BAZ2B: variants seen among roughly 807,000 people sequenced by gnomAD.
BAZ2B encodes bromodomain adjacent to zinc finger domain 2B.
Under a neutral mutation model 246.0 loss-of-function variants are expected in BAZ2B, and 91 were observed. The ratio of observed to expected loss-of-function variants is 0.37; its 90% confidence interval spans 0.31 to 0.44. The LOEUF (loss-of-function observed/expected upper bound fraction) is 0.44. Among genes scored for constraint, BAZ2B ranks in the 20% least tolerant of loss-of-function variants. The pLI is 1.00. For synonymous variants in BAZ2B, 855 were observed against 860.0 expected, an observed-to-expected ratio of 0.99 and a Z score of 0.10; for missense variants, 2,332 against 2,533.7, an observed-to-expected ratio of 0.92 and a Z score of 1.71.
At chr2:159,573,389 G>A (rs1684484037) in intron 1 of BAZ2B, among the ~76,000 whole-genome samples, 1 of 152,104 alleles carries the variant, frequency 6.6e-6, no homozygotes, top group Admixed American at 6.6e-5. Context: ...TATTTGACAA[G>A]GGTGCCAAAA....
At chr2:159,578,792 A>G (rs1553729749) in intron 1 of BAZ2B, among the ~76,000 whole-genome samples, 1 of 152,324 alleles carries the variant, frequency 6.6e-6, no homozygotes, top group South Asian at 2.1e-4. Flanking sequence ...GCTTAACTAC[A>G]TGGAAACCGA....
At chr2:159,387,183 C>A (rs1423216750) in intron 21 of BAZ2B, among the ~76,000 whole-genome samples, 1 of 152,068 alleles carries the variant, frequency 6.6e-6, no homozygotes, top group East Asian at 1.9e-4. Context: ...GAATCCATGA[C>A]CCTGTACATA....
At chr2:159,329,778 T>C (rs537349113) in intron 34 of BAZ2B, among the ~76,000 whole-genome samples, 24 of 152,358 alleles carry the variant, frequency 1.6e-4, no homozygotes, top group Non-Finnish European at 2.8e-4. Context: ...CTTAGAAAGC[T>C]GTACTCACAT....
intron 2 of BAZ2B, among the ~76,000 whole-genome samples, chr2:159,543,489 A>G (rs2086903012): frequency 6.6e-6 from 1 of 151,750 alleles, no homozygotes; most frequent in Non-Finnish European, 1.5e-5. Context: ...CTTTTTATAT[A>G]AACAAATAGC....
At chr2:159,420,789 G>C (rs2068608126) in intron 13 of BAZ2B, among the ~76,000 whole-genome samples, 1 of 151,900 alleles carries the variant, frequency 6.6e-6, no homozygotes, top group African/African-American at 2.4e-5. Context: ...CTTTTATTCT[G>C]ACAATCAAAC....
the BAZ2B span, among the ~76,000 whole-genome samples, chr2:159,674,461 T>G: frequency 6.6e-6 from 1 of 151,738 alleles, no homozygotes; most frequent in African/African-American, 2.4e-5. Context: ...ATGCCTGCAT[T>G]CCCAGCACTT....
At chr2:159,399,187 T>G (rs1027870491) in intron 17 of BAZ2B, among the ~76,000 whole-genome samples, 10 of 152,340 alleles carry the variant, frequency 6.6e-5, no homozygotes, top group African/African-American at 2.4e-4. Flanking sequence ...TATGTTCTTT[T>G]ACCTTAAAAT....
chr2:159,497,396 C>T (rs2081276404), intron 2 of BAZ2B, among the ~76,000 whole-genome samples: 2 of 152,224 alleles, frequency 1.3e-5, no homozygotes, highest in African/African-American at 4.8e-5. Flanking sequence ...CTCAGGCTTC[C>T]TCTTTACAGA....
Position 159,548,106 on chromosome 2 carries a change from G to C in BAZ2B, c.-3+7717C>G, listed in dbSNP as rs79097715. ...GGAAATAGATTTACATGAAGTAACTGAAATGGCTGCTACATACTAATTTTG... is the reference window on the plus strand; with the variant it reads ...GGAAATAGATTTACATGAAGTAACTCAAATGGCTGCTACATACTAATTTTG... On this transcript the variant is annotated intron_variant, in intron 2 of 36. Transcript: ENST00000392783. Among the ~76,000 whole-genome samples the C allele has an allele frequency of 5.0e-3, 754 of 152,266 alleles. 6 individuals carry two copies. The highest frequency in any genetic ancestry group is 0.017 in the African/African-American group (707 of 41,570).
rs1156840796 is a variant in BAZ2B at position 159,616,227 on chromosome 2, G to C, written c.-46+15C>G. 1.3e-5 allele frequency: 2 copies of C among 152,200 alleles called. 1 individual carries two copies. Among genetic ancestry groups the C allele is most frequent in the South Asian group, 4.1e-4 (2 of 4,834 alleles). 9.4% of individuals were successfully genotyped at this position (152,200 alleles called of 1,614,324 possible). On this transcript the variant is annotated intron_variant, in intron 1 of 36. Coordinates refer to ENST00000392783, the MANE Select transcript of BAZ2B (RefSeq NM_013450.4). ...CCTCACCCGCACCCCTCACGCCCGA[G>C]GATTTTAAACTCACCTTTACTCTCG...
At chr2:159,393,186 T>C (rs889447058) in intron 20 of BAZ2B, among the ~76,000 whole-genome samples, 20 of 152,088 alleles carry the variant, frequency 1.3e-4, no homozygotes, top group African/African-American at 4.6e-4. Context: ...CAGAGGTCAG[T>C]GGGAAAATGC....
chr2:159,657,282 A>G, the BAZ2B span, among the ~76,000 whole-genome samples: 1 of 152,156 alleles, frequency 6.6e-6, no homozygotes, highest in African/African-American at 2.4e-5. Context: ...TTTGTCAAAG[A>G]TCCATTGACT....
At chr2:159,667,124 A>T in the BAZ2B span, among the ~76,000 whole-genome samples, 2 of 145,844 alleles carry the variant, frequency 1.4e-5, no homozygotes. Context: ...TAATTTTCCC[A>T]TTTCTAGATT....
chr2:159,572,020 C>T (rs926522399), intron 1 of BAZ2B, among the ~76,000 whole-genome samples: 4 of 152,134 alleles, frequency 2.6e-5, no homozygotes. Flanking sequence ...AACCACAGCA[C>T]CAGTTTTCAT....
intron 2 of BAZ2B, among the ~76,000 whole-genome samples, chr2:159,500,715 A>G (rs756174233): frequency 5.3e-5 from 8 of 152,144 alleles, no homozygotes; most frequent in Non-Finnish European, 1.0e-4. Flanking sequence ...ACACTTTGGG[A>G]GGACAAGGCA....
rs549709911 is a variant in BAZ2B at position 159,325,797 on chromosome 2, G to T, written c.6065C>A (p.Thr2022Lys). Residue 2022 changes from threonine to lysine, a missense_variant, in exon 35 of 37, where the codon ACA (threonine) becomes AAA (lysine). Transcript: ENST00000392783. Reference sequence around the variant, plus strand: ...GTTTCCTCTTTTTAGTGAACTACTTGTAGATGCAGAGTCTTCATCTTCAGT... The same window carrying T: ...GTTTCCTCTTTTTAGTGAACTACTTTTAGATGCAGAGTCTTCATCTTCAGT... ...GDTEDEDSAS[T>K]SSSLKRGNKD... 2.7e-5 allele frequency: 43 copies of T among 1,609,000 alleles called. No individual in the cohort carries two copies. Among genetic ancestry groups the T allele is most frequent in the Non-Finnish European group, 3.2e-5 (38 of 1,178,680 alleles).
chr2:159,489,087 A>T (rs368075647), intron 2 of BAZ2B, among the ~76,000 whole-genome samples: 1 of 152,282 alleles, frequency 6.6e-6, no homozygotes, highest in African/African-American at 2.4e-5. Flanking sequence ...CTTTTCCCCT[A>T]ATAATGAAGA....
chr2:159,467,483 C>T (rs1362307143), intron 3 of BAZ2B, among the ~76,000 whole-genome samples: 1 of 152,092 alleles, frequency 6.6e-6, no homozygotes, highest in Non-Finnish European at 1.5e-5. Context: ...ATTTTTCCTC[C>T]CCCAGCACCA....
At chr2:159,529,056 T>C (rs1228083596) in intron 2 of BAZ2B, among the ~76,000 whole-genome samples, 1 of 151,998 alleles carries the variant, frequency 6.6e-6, no homozygotes, top group African/African-American at 2.4e-5. Flanking sequence ...GGCACATGTA[T>C]ACATATGTAA....
Sources: allele counts gnomAD v4.1 joint callset (sites outside exome capture counted in the v4.1 genomes callset), GRCh38; gene constraint gnomAD v4.1.1; transcripts MANE v1.5; gene names NCBI Gene and HGNC (gene_info 2026-07-23, HGNC 2026-07-21).